UGT1A7: variants seen among roughly 807,000 people sequenced by gnomAD.
UGT1A7 encodes UDP glucuronosyltransferase family 1 member A7, also known as UDP-glucuronosyltransferase 1A7.
Under a neutral mutation model 45.6 loss-of-function variants are expected in UGT1A7, and 33 were observed. That is an observed-to-expected ratio of 0.72 (90% CI 0.55 to 0.97). UGT1A7 has a LOEUF of 0.97. Among genes scored for constraint, UGT1A7 ranks in the 50% least tolerant of loss-of-function variants. UGT1A7 has a pLI of 0.00. For synonymous variants in UGT1A7, 274 were observed against 250.6 expected, an observed-to-expected ratio of 1.09 and a Z score of -0.88; for missense variants, 684 against 666.2, an observed-to-expected ratio of 1.03 and a Z score of -0.29.
chr2:233,760,682 A>G lies in UGT1A7; in HGVS notation c.856-6352A>G. On this transcript the variant is annotated intron_variant, in intron 1 of 4. Transcript: ENST00000373426. ...TTGTCTGGCTGTTCCCACTTACTGC[A>G]CAACAAGGAGCTCATGGCCTCCCTG... The G allele has an allele frequency of 6.2e-7, 1 of 1,614,208 alleles. No homozygotes were observed. The highest frequency in any genetic ancestry group is 1.1e-5 in the South Asian group (1 of 91,088).
intron 1 of UGT1A7, among the ~76,000 whole-genome samples, chr2:233,722,802 C>T (rs1232837199): frequency 1.3e-5 from 2 of 150,390 alleles, no homozygotes; most frequent in East Asian, 3.9e-4. Context: ...AGTCATCTCC[C>T]TCTTATTTTT....
rs1173929998 is a variant in UGT1A7, at chr2:233,772,412, G to A, written c.1446G>A (p.Gln482=). The change falls in exon 5 of 5, where the codon CAG becomes CAA. Residue 482 remains glutamine (Q), a synonymous_variant. Transcript: ENST00000373426. The part of the protein sequence containing the change: ...RPAAHDLTWY[Q]YHSLDVIGFL... Reference sequence around the variant, plus strand: ...CAGCCCACGACCTCACCTGGTACCAGTACCATTCCTTGGACGTGATTGGTT... The same window carrying A: ...CAGCCCACGACCTCACCTGGTACCAATACCATTCCTTGGACGTGATTGGTT... 3 of 1,614,244 alleles carry A rather than the reference G, an allele frequency of 1.9e-6. No individual in the cohort carries two copies. The highest frequency in any genetic ancestry group is 1.7e-5 in the Admixed American group (1 of 60,028).
chr2:233,731,441 C>T (rs1000336522), intron 1 of UGT1A7, among the ~76,000 whole-genome samples: 6 of 152,112 alleles, frequency 3.9e-5, no homozygotes, highest in Non-Finnish European at 5.9e-5. Flanking sequence ...CCCCAGTCCC[C>T]CACCCCACAA....
In UGT1A7 at chr2:233,713,389, A is replaced by G. The variant is rs751275853; in HGVS notation, c.855+30597A>G. On this transcript the variant is annotated intron_variant, in intron 1 of 4. Transcript: ENST00000373426. ...CATAGGTCTTGTGTGGAGCTACTGC[A>G]TAATGAGGCCCTGATCAGGCACCTG... 3 of 1,614,218 alleles carry G rather than the reference A, an allele frequency of 1.9e-6. No individual in the cohort carries two copies. The East Asian group carries it at 6.7e-5, about 36-fold the overall frequency.
intron 1 of UGT1A7, among the ~76,000 whole-genome samples, chr2:233,749,606 T>A (rs1054542224): frequency 2.6e-5 from 4 of 151,906 alleles, no homozygotes; most frequent in Admixed American, 2.6e-4. Context: ...CACACTAGAT[T>A]TATCATGATT....
intron 1 of UGT1A7, among the ~76,000 whole-genome samples, chr2:233,736,696 G>T (rs2078794869): frequency 6.6e-6 from 1 of 152,182 alleles, no homozygotes. Flanking sequence ...TACAGATGGG[G>T]TTTTGGTGTA....
chr2:233,752,390 G>A (rs1694961532), intron 1 of UGT1A7: 2 of 152,134 alleles, frequency 1.3e-5, no homozygotes, highest in Admixed American at 1.3e-4. Flanking sequence ...TGCAACAGAG[G>A]AAATGCCCCT....
intron 1 of UGT1A7, chr2:233,719,336 T>C (rs765059694): frequency 5.0e-6 from 8 of 1,613,838 alleles, no homozygotes; most frequent in South Asian, 2.2e-5. Context: ...CTGTGTTTTT[T>C]TGGAGGTACA....
At chr2:233,768,051 T>C in intron 3 of UGT1A7, 115 bp downstream of exon 3, 1 of 1,605,492 alleles carries the variant, frequency 6.2e-7, no homozygotes, top group South Asian at 1.1e-5. Flanking sequence ...CAACATATCC[T>C]ACATTGCTTT....
At chr2:233,756,295 G>A (rs1165667347) in intron 1 of UGT1A7, 3 of 152,134 alleles carry the variant, frequency 2.0e-5, no homozygotes, top group East Asian at 3.8e-4. Flanking sequence ...CACAGTATTT[G>A]TATATAACCT....
chr2:233,772,287 T>C lies in UGT1A7; in HGVS notation c.1321T>C (p.Ser441Pro), dbSNP rs1575870013. 1 of 1,614,254 alleles carries C rather than the reference T, an allele frequency of 6.2e-7. No individual in the cohort carries two copies. ...TTACAAGGAGAACATCATGCGCCTC[T>C]CCAGCCTTCACAAGGACCGCCCGGT... ...KSYKENIMRL[S>P]SLHKDRPVEP... is the part of the protein sequence containing the mutation. The change falls in exon 5 of 5, where the codon TCC (serine) becomes CCC (proline). Residue 441 changes from serine (S) to proline (P), a missense_variant. Transcript: ENST00000373426.
At chr2:233,759,226 A>C (rs1435521106) in intron 1 of UGT1A7, among the ~76,000 whole-genome samples, 2 of 152,174 alleles carry the variant, frequency 1.3e-5, no homozygotes, top group African/African-American at 4.8e-5. Flanking sequence ...TATGCAAATG[A>C]AGGATGGAAA....
chr2:233,741,622 A>G (rs1467622913), intron 1 of UGT1A7: 1 of 151,894 alleles, frequency 6.6e-6, no homozygotes, highest in Non-Finnish European at 1.5e-5. Context: ...GTCAGACCCC[A>G]TGAGCCCCTG....
intron 1 of UGT1A7, chr2:233,728,958 A>T (rs2077771946): frequency 1.4e-6 from 2 of 1,444,154 alleles, no homozygotes; most frequent in African/African-American, 2.9e-5. Context: ...CCCACAGTGA[A>T]AAACAGTGAT....
intron 1 of UGT1A7, among the ~76,000 whole-genome samples, chr2:233,705,054 T>C (rs1353649860): frequency 6.6e-6 from 1 of 151,808 alleles, no homozygotes; most frequent in Non-Finnish European, 1.5e-5. Context: ...GAGAATTGCT[T>C]GAACCCGGGA....
rs201536382 is a variant in UGT1A7, at chr2:233,713,021, G to A, written c.855+30229G>A. On this transcript the variant is annotated intron_variant, in intron 1 of 4. Transcript: ENST00000373426. ...CCACAGGACTCCAGGTTCCCCTGCC[G>A]CAGCTGGCCACAGGACTGCTGCTTC... 56 of 1,613,716 alleles carry A rather than the reference G, an allele frequency of 3.5e-5. No individual in the cohort carries two copies. In the African/African-American group the frequency reaches 4.5e-4, roughly 13 times the overall value.
chr2:233,700,788 T>C (rs992133677), intron 1 of UGT1A7, among the ~76,000 whole-genome samples: 2 of 152,148 alleles, frequency 1.3e-5, no homozygotes, highest in African/African-American at 4.8e-5. Flanking sequence ...TTGTTACATA[T>C]GTATACATGT....
At chr2:233,743,204 C>T (rs187896113) in intron 1 of UGT1A7, 20 of 388,964 alleles carry the variant, frequency 5.1e-5, no homozygotes, top group East Asian at 2.2e-4. Context: ...GGTGTCAATG[C>T]GGAGTAACTG....
intron 1 of UGT1A7, among the ~76,000 whole-genome samples, chr2:233,686,474 C>T (rs1370676461): frequency 6.6e-6 from 1 of 151,930 alleles, no homozygotes; most frequent in East Asian, 1.9e-4. Flanking sequence ...TTTTTCCTTT[C>T]CTATGAAACT....
Sources: allele counts gnomAD v4.1 joint callset (sites outside exome capture counted in the v4.1 genomes callset), GRCh38; gene constraint gnomAD v4.1.1; transcripts MANE v1.5; gene names NCBI Gene and HGNC (gene_info 2026-07-23, HGNC 2026-07-21).